Variants in PKP2 observed in about 807,000 individuals in gnomAD.
PKP2 encodes plakophilin 2.
In PKP2, 73 loss-of-function variants were observed where a neutral mutation model predicts 83.4. That is an observed-to-expected ratio of 0.88 (90% CI 0.72 to 1.06). The LOEUF (loss-of-function observed/expected upper bound fraction) is 1.06, where lower values mean the gene tolerates loss of function less well. PKP2 is among the 50% of genes least tolerant of loss of function. The pLI, the probability that PKP2 is intolerant of heterozygous loss-of-function variation, is 0.00. For synonymous variants in PKP2, 409 were observed against 430.4 expected, an observed-to-expected ratio of 0.95 and a Z score of 0.62; for missense variants, 966 against 1,065.4, an observed-to-expected ratio of 0.91 and a Z score of 1.30.
At chr12:32,822,415 ACTCT>A in intron 8 of PKP2, 48 bp downstream of exon 8, 1 of 1,465,356 alleles carries the variant, frequency 6.8e-7, no homozygotes. Flanking sequence ...ACAAACACAC[ACTCT>A]CTCTCATTCT....
intron 4 of PKP2, among the ~76,000 whole-genome samples, chr12:32,865,218 T>C (rs1395509641): frequency 1.4e-5 from 2 of 147,976 alleles, no homozygotes; most frequent in African/African-American, 5.0e-5. Flanking sequence ...CTACCAAAAA[T>C]ACAAAAATTA....
intron 4 of PKP2, among the ~76,000 whole-genome samples, chr12:32,866,589 C>T (rs1956851355): frequency 6.7e-6 from 1 of 150,034 alleles, no homozygotes; most frequent in African/African-American, 2.5e-5. Context: ...AAGTTCAACC[C>T]CTTTGTCATT....
intron 4 of PKP2, among the ~76,000 whole-genome samples, chr12:32,864,977 A>T (rs1366697364): frequency 6.6e-6 from 1 of 152,202 alleles, no homozygotes; most frequent in Non-Finnish European, 1.5e-5. Context: ...TTGCACTAGG[A>T]CGTAAGAATG....
intron 1 of PKP2, chr12:32,894,261 A>C (rs1353171384): frequency 1.3e-5 from 2 of 152,158 alleles, no homozygotes; most frequent in Non-Finnish European, 2.9e-5. Context: ...TATATTAGCC[A>C]TTCTTTTGGG....
chr12:32,894,923 A>G (rs1360540303), intron 1 of PKP2: 1 of 152,172 alleles, frequency 6.6e-6, no homozygotes, highest in Non-Finnish European at 1.5e-5. Context: ...TGTGTTTTCT[A>G]GACCTCCCCA....
chr12:32,824,097 G>C lies in PKP2; in HGVS notation c.1622C>G (p.Ser541Ter). 1.9e-6 allele frequency: 3 copies of C among 1,612,356 alleles called. No individual in the cohort carries two copies. Among genetic ancestry groups the C allele is most frequent in the Non-Finnish European group, 2.5e-6 (3 of 1,178,558 alleles). The change falls in exon 7 of 13, where the codon TCA becomes TGA. Residue 541 changes from serine to a stop codon, truncating the protein, a stop_gained. Transcript: ENST00000340811. LOFTEE classifies it high-confidence loss of function. ...GGTTCCTCTGACATAATGGACCAGT[G>C]AGTCAATGAGTCCGTCACATCTTCT... ...AMRRCDGLID[S>*]LVHYVRGTIA... is the part of the protein sequence containing the mutation.
chr12:32,802,456 G>A lies in PKP2; in HGVS notation c.2114C>T (p.Ala705Val), dbSNP rs1356970214. 3.7e-6 allele frequency: 6 copies of A among 1,613,958 alleles called. No individual in the cohort carries two copies. In the Admixed American group the frequency reaches 8.3e-5, roughly 22 times the overall value. ...GGACAGATTCCTCAGCAGCGAGATG[G>A]CTGTCTTTTTCACACTTGGGTCACC... is the stretch of plus-strand genomic sequence containing the variant. ...HVGDPSVKKT[A>V]ISLLRNLSRN... The change falls in exon 10 of 13, where the codon GCC (alanine) becomes GTC (valine). Residue 705 changes from alanine to valine, a missense_variant. By Grantham distance (64) the Ala-to-Val change is moderately conservative. Transcript: ENST00000340811.
chr12:32,808,772 C>A (rs1435058732), intron 9 of PKP2, among the ~76,000 whole-genome samples: 2 of 152,156 alleles, frequency 1.3e-5, no homozygotes, highest in African/African-American at 4.8e-5. Context: ...TGACTCTTAG[C>A]AACCACAGGG....
chr12:32,876,102 T>C (rs7302979), intron 3 of PKP2, among the ~76,000 whole-genome samples: 28,924 of 152,106 alleles, frequency 0.19, 2,758 homozygotes, highest in Middle Eastern at 0.25. Context: ...GGGAAGCTGG[T>C]GCCCTGAAAA....
At chr12:32,874,055 AGTAACT>A (rs1316555145) in intron 3 of PKP2, among the ~76,000 whole-genome samples, 2 of 152,200 alleles carry the variant, frequency 1.3e-5, no homozygotes, top group Non-Finnish European at 2.9e-5. Context: ...TAGCTGCATT[AGTAACT>A]GTTTAACCAG....
intron 9 of PKP2, among the ~76,000 whole-genome samples, chr12:32,815,006 G>A (rs887585823): frequency 1.3e-5 from 2 of 151,684 alleles, no homozygotes; most frequent in South Asian, 2.1e-4. Flanking sequence ...TGCAATATAC[G>A]GTTCATTTAA....
intron 10 of PKP2, among the ~76,000 whole-genome samples, chr12:32,802,081 T>C (rs576006390): frequency 5.3e-5 from 8 of 152,314 alleles, no homozygotes; most frequent in South Asian, 4.1e-4. Flanking sequence ...AAAGACTTCA[T>C]TGGATGGTGT....
chr12:32,880,652 C>T (rs1402282249), intron 1 of PKP2, among the ~76,000 whole-genome samples: 2 of 152,184 alleles, frequency 1.3e-5, no homozygotes, highest in Non-Finnish European at 2.9e-5. Context: ...CCTTTGTGCT[C>T]AGCTCTGTGA....
chr12:32,881,415 GA>G (rs75302479), intron 1 of PKP2, among the ~76,000 whole-genome samples: 69 of 151,158 alleles, frequency 4.6e-4, no homozygotes, highest in African/African-American at 9.1e-4. Context: ...CTTAAATAAA[GA>G]AAAAAAATTT....
intron 9 of PKP2, among the ~76,000 whole-genome samples, chr12:32,804,789 C>T (rs777722373): frequency 9.2e-5 from 14 of 152,022 alleles, no homozygotes; most frequent in Non-Finnish European, 1.5e-4. Flanking sequence ...TATAAGAGGA[C>T]GATTTATATT....
chr12:32,850,586 C>T (rs1565590106), intron 5 of PKP2, among the ~76,000 whole-genome samples, 180 bp downstream of exon 5: 2 of 151,350 alleles, frequency 1.3e-5, no homozygotes, highest in South Asian at 2.1e-4. Context: ...AAAAGGAATT[C>T]GAATGTGGCT....
intron 6 of PKP2, among the ~76,000 whole-genome samples, chr12:32,837,316 A>G (rs1321880334): frequency 1.3e-5 from 2 of 152,216 alleles, no homozygotes; most frequent in South Asian, 2.1e-4. Context: ...AACTCTGTCT[A>G]CTACTAGCCA....
chr12:32,835,116 C>T (rs1182205909), intron 6 of PKP2, among the ~76,000 whole-genome samples: 3 of 150,518 alleles, frequency 2.0e-5, no homozygotes, highest in East Asian at 2.0e-4. Context: ...TGCAGTGGCG[C>T]GACTTCGGCT....
chr12:32,877,782 G>C (rs1956943897), intron 3 of PKP2, 64 bp downstream of exon 3: 1 of 1,214,812 alleles, frequency 8.2e-7, no homozygotes, highest in Non-Finnish European at 1.2e-6. Flanking sequence ...AGCTCATGCT[G>C]TCAGGGCTGT....
Sources: allele counts gnomAD v4.1 joint callset (sites outside exome capture counted in the v4.1 genomes callset), GRCh38; gene constraint gnomAD v4.1.1; transcripts MANE v1.5; gene names NCBI Gene and HGNC (gene_info 2026-07-23, HGNC 2026-07-21).